SHC3: variants seen among roughly 807,000 people sequenced by gnomAD.
The protein encoded by SHC3 is SHC-transforming protein 3.
Under a neutral mutation model 60.4 loss-of-function variants are expected in SHC3, and 15 were observed. That is an observed-to-expected ratio of 0.25 (90% CI 0.17 to 0.38). The LOEUF (loss-of-function observed/expected upper bound fraction) is 0.38. Among genes scored for constraint, SHC3 ranks in the 10% least tolerant of loss-of-function variants. SHC3 has a pLI of 1.00. For synonymous variants in SHC3, 294 were observed against 325.9 expected (o/e 0.90, Z 1.05); for missense variants, 677 against 786.1 (o/e 0.86, Z 1.66).
intron 9 of SHC3, among the ~76,000 whole-genome samples, chr9:89,044,727 G>C (rs1194612526): frequency 6.6e-6 from 1 of 152,206 alleles, no homozygotes; most frequent in Non-Finnish European, 1.5e-5. Flanking sequence ...TGAGCAATTA[G>C]CAGTTACTTC....
At chr9:89,028,950 A>T (rs1824423467) in intron 11 of SHC3, among the ~76,000 whole-genome samples, 1 of 148,882 alleles carries the variant, frequency 6.7e-6, no homozygotes, top group South Asian at 2.1e-4. Context: ...CTGTTTTCCA[A>T]ATTATCTTCT....
chr9:89,112,667 G>A (rs1165968804), intron 1 of SHC3, 41 bp from the exon 2 acceptor site: 1 of 1,541,112 alleles, frequency 6.5e-7, no homozygotes, highest in Non-Finnish European at 8.7e-7. Context: ...CCTGAGATTT[G>A]AGATAAAGAG....
chr9:89,178,652 G>T lies in SHC3; in HGVS notation c.-192C>A, dbSNP rs1826985525. 2 of 466,896 alleles carry T rather than the reference G, an allele frequency of 4.3e-6. No individual in the cohort carries two copies. The highest frequency in any genetic ancestry group is 7.2e-6 in the Non-Finnish European group (2 of 276,390). The allele number at this position is 466,896 out of a possible 1,614,324, so 28.9% of individuals were successfully genotyped here. ...CACCGTTAAAAGCCAGCACAGCGGC[G>T]GCCGCGCAGCCCCGGCCCGGGAGAC... On this transcript the variant is annotated 5_prime_UTR_variant, in exon 1 of 12. Transcript: ENST00000375835. This position sits in a 1 kb window ranked among gnomAD's most constrained non-coding sequence, Gnocchi z 6.9.
At chr9:89,173,930 A>C (rs1826906351) in intron 1 of SHC3, among the ~76,000 whole-genome samples, 1 of 152,212 alleles carries the variant, frequency 6.6e-6, no homozygotes, top group Non-Finnish European at 1.5e-5. Flanking sequence ...TTTCGAAAGA[A>C]TTTTGAGAAA....
chr9:89,073,359 T>TA (rs1825304002), intron 4 of SHC3, among the ~76,000 whole-genome samples: 2 of 152,204 alleles, frequency 1.3e-5, no homozygotes, highest in East Asian at 1.9e-4. Context: ...CTAATTGACC[T>TA]AAATCACGTG....
At chr9:89,029,586 G>T (rs1332783587) in intron 11 of SHC3, among the ~76,000 whole-genome samples, 1 of 152,102 alleles carries the variant, frequency 6.6e-6, no homozygotes, top group East Asian at 1.9e-4. Context: ...GAAGATATAG[G>T]ATACAAGTCC....
chr9:89,158,590 T>C (rs1331184), intron 1 of SHC3, among the ~76,000 whole-genome samples: 14,979 of 152,206 alleles, frequency 0.098, 857 homozygotes, highest in Admixed American at 0.15. Flanking sequence ...GTCTAGTAGT[T>C]CCATCAATGG....
rs547842063 is a variant in SHC3 at position 89,009,405 on chromosome 9, C to G, written c.*4042G>C. ...AATCTTTCCACAATCTTCCCACTCACTCCCAATCCTACTGTCACCGTCCAC... is the reference window on the plus strand; with the variant it reads ...AATCTTTCCACAATCTTCCCACTCAGTCCCAATCCTACTGTCACCGTCCAC... On this transcript the variant is annotated 3_prime_UTR_variant, in exon 12 of 12. Transcript: ENST00000375835. 1 of 152,388 alleles carries G rather than the reference C, an allele frequency of 6.6e-6. No individual in the cohort carries two copies. Among genetic ancestry groups the G allele is most frequent in the South Asian group, 2.1e-4 (1 of 4,828 alleles). 9.4% of individuals were successfully genotyped at this position (152,388 alleles called of 1,614,324 possible). A position where few individuals can be genotyped will look rare whatever the true frequency, so the allele number is the denominator to read the frequency against.
At chr9:89,024,148 C>G (rs1826250154) in intron 11 of SHC3, among the ~76,000 whole-genome samples, 1 of 152,192 alleles carries the variant, frequency 6.6e-6, no homozygotes, top group Non-Finnish European at 1.5e-5. Flanking sequence ...CAGAAACAAA[C>G]AGCCCCTCTC....
chr9:89,157,893 G>T (rs964714651), intron 1 of SHC3, among the ~76,000 whole-genome samples: 7 of 151,910 alleles, frequency 4.6e-5, no homozygotes, highest in African/African-American at 1.7e-4. Context: ...AAGTGCATAG[G>T]ATATGTATAG....
chr9:89,098,436 A>C (rs1299321147), intron 2 of SHC3, among the ~76,000 whole-genome samples: 1 of 152,252 alleles, frequency 6.6e-6, no homozygotes, highest in Non-Finnish European at 1.5e-5. Flanking sequence ...TAGGAAAATA[A>C]CATTGTCCTC....
chr9:89,133,190 G>T (rs1432712151), intron 1 of SHC3, among the ~76,000 whole-genome samples: 1 of 152,312 alleles, frequency 6.6e-6, no homozygotes, highest in South Asian at 2.1e-4. Context: ...TCAGAGAAAT[G>T]CAAATCAAAA....
intron 1 of SHC3, among the ~76,000 whole-genome samples, chr9:89,161,713 T>C: frequency 6.6e-6 from 1 of 151,166 alleles, no homozygotes; most frequent in Non-Finnish European, 1.5e-5. Flanking sequence ...ACCACTCCTA[T>C]TCAACATAGT....
At chr9:89,067,130 G>A (rs149038202) in intron 5 of SHC3, among the ~76,000 whole-genome samples, 6 of 152,166 alleles carry the variant, frequency 3.9e-5, no homozygotes, top group Non-Finnish European at 8.8e-5. Flanking sequence ...ATGAAAGATC[G>A]TCCACCTGGT....
intron 1 of SHC3, among the ~76,000 whole-genome samples, chr9:89,150,403 C>G (rs11137522): frequency 6.6e-6 from 1 of 152,164 alleles, no homozygotes; most frequent in Non-Finnish European, 1.5e-5. Flanking sequence ...CACTAATCTA[C>G]TTTCTGTCTC....
chr9:89,077,886 A>T lies in SHC3; in HGVS notation c.563T>A (p.Val188Asp). 2 of 1,614,208 alleles carry T rather than the reference A, an allele frequency of 1.2e-6. No individual in the cohort carries two copies. Among genetic ancestry groups the T allele is most frequent in the Non-Finnish European group, 1.7e-6 (2 of 1,180,030 alleles). The stretch of plus-strand genomic sequence containing the variant: ...CTTCGCACCAGGCACAGCTTCACAG[A>T]CGCGGCTGATGGCTTCCCTTAGGAC... The part of the protein sequence containing the change: ...TQITREAISR[V>D]CEAVPGAKGA... Residue 188 changes from valine (V) to aspartate (D), a missense_variant, in exon 3 of 12, where the codon GTC (valine) becomes GAC (aspartate). Val to Asp is a radical substitution (Grantham distance 152). Transcript: ENST00000375835.
intron 6 of SHC3, among the ~76,000 whole-genome samples, chr9:89,059,346 TGGTGG>T (rs1825025361): frequency 9.8e-6 from 1 of 102,358 alleles, no homozygotes; most frequent in African/African-American, 5.1e-5. Flanking sequence ...TGGAGGACGG[TGGTGG>T]AGGATGTAGT....
intron 6 of SHC3, among the ~76,000 whole-genome samples, chr9:89,055,366 A>C (rs1824932249): frequency 6.6e-6 from 1 of 152,234 alleles, no homozygotes; most frequent in Admixed American, 6.5e-5. Context: ...TGTTCATCTA[A>C]GCACGCTCTC....
chr9:89,066,157 G>A (rs758757500), intron 5 of SHC3, among the ~76,000 whole-genome samples: 3 of 152,160 alleles, frequency 2.0e-5, no homozygotes, highest in Non-Finnish European at 2.9e-5. Flanking sequence ...AAAATAGAAC[G>A]CTAAGCCATA....
Sources: gnomAD v4.1 joint callset for allele counts (sites outside exome capture counted in the v4.1 genomes callset) on GRCh38, gnomAD v4.1.1 for gene constraint, Gnocchi (gnomAD v3.1) non-coding constraint, MANE v1.5 for transcripts, NCBI Gene and HGNC (gene_info 2026-07-23, HGNC 2026-07-21) for gene names.